NFATC2: variants seen among roughly 807,000 people sequenced by gnomAD.
NFATC2 encodes nuclear factor of activated T cells 2, also known as nuclear factor of activated T-cells, cytoplasmic 2.
NFATC2 carries 22 observed loss-of-function variants against 87.3 expected under a neutral mutation model. That is an observed-to-expected ratio of 0.25 (90% CI 0.18 to 0.36). The LOEUF (loss-of-function observed/expected upper bound fraction) is 0.36, where lower values mean the gene tolerates loss of function less well. NFATC2 is among the 10% of genes least tolerant of loss of function. The pLI, the probability that NFATC2 is intolerant of heterozygous loss-of-function variation, is 1.00. For missense variants in NFATC2, 1,149 were observed against 1,259.1 expected, an observed-to-expected ratio of 0.91 and a Z score of 1.32; for synonymous variants, 565 against 542.2, an observed-to-expected ratio of 1.04 and a Z score of -0.58.
intron 9 of NFATC2, among the ~76,000 whole-genome samples, chr20:51,406,767 G>T (rs1338158229): frequency 1.3e-5 from 2 of 152,194 alleles, no homozygotes; most frequent in Admixed American, 6.5e-5. Flanking sequence ...TCTAGAGAGG[G>T]TGTGACATCT....
intron 1 of NFATC2, among the ~76,000 whole-genome samples, chr20:51,541,416 A>G (rs906509088): frequency 2.0e-5 from 3 of 152,176 alleles, no homozygotes; most frequent in African/African-American, 7.2e-5. Flanking sequence ...AGAAATACAC[A>G]GTGAGGTTGG....
rs372957875 is a variant in NFATC2 at position 51,432,218 on chromosome 20, C to T, written c.2571G>A (p.Pro857=). The change falls in exon 9 of 11, where the codon CCG becomes CCA. Residue 857 remains proline, a synonymous_variant. Transcript: ENST00000371564. This position sits in a 1 kb window ranked among gnomAD's most constrained non-coding sequence, Gnocchi z 4.6. The part of the protein sequence containing the change: ...PPVSQGQRLS[P]GSYPTVIQQQ... ...GCTGAATGACTGTGGGGTAGGAACC[C>T]GGGCTCAGCCTCTGACCTTGACTGA... 4.3e-5 allele frequency: 69 copies of T among 1,613,582 alleles called. No homozygotes were observed. The highest frequency in any genetic ancestry group is 5.6e-5 in the Non-Finnish European group (66 of 1,179,748).
chr20:51,398,568 CT>C, intron 10 of NFATC2, 74 bp downstream of exon 10: 1 of 899,944 alleles, frequency 1.1e-6, no homozygotes, highest in South Asian at 1.7e-5. Context: ...TTATACTTTA[CT>C]TAAAAAAAAA....
intron 9 of NFATC2, among the ~76,000 whole-genome samples, chr20:51,431,813 T>A (rs1600716930): frequency 6.6e-6 from 1 of 152,082 alleles, no homozygotes; most frequent in East Asian, 1.9e-4. Flanking sequence ...CATTTGCTTT[T>A]TCTATGGGGG....
intron 9 of NFATC2, among the ~76,000 whole-genome samples, chr20:51,399,832 G>C (rs772228417): frequency 1.3e-5 from 2 of 152,126 alleles, no homozygotes; most frequent in Non-Finnish European, 2.9e-5. Context: ...CAGTACTGTC[G>C]GATAATTCAC....
At chr20:51,444,783 C>T (rs1444442130) in intron 6 of NFATC2, among the ~76,000 whole-genome samples, 1 of 152,208 alleles carries the variant, frequency 6.6e-6, no homozygotes, top group Non-Finnish European at 1.5e-5. Context: ...AAAACGTGTC[C>T]TCCCTGGAAG....
Position 51,524,165 on chromosome 20 carries a change from G to A in NFATC2, c.131-55C>T, listed in dbSNP as rs545489089. ...TTTAAGCCTCAAAAACAGAACTCCC[G>A]GTGCAGAGCAATCACAGGCTGGATT... On this transcript the variant is annotated intron_variant, in intron 1 of 10. Coordinates refer to ENST00000371564, the MANE Select transcript of NFATC2 (RefSeq NM_012340.5). This position sits in a 1 kb window ranked among gnomAD's most constrained non-coding sequence, Gnocchi z 4.0. 46 of 1,371,726 alleles carry A rather than the reference G, an allele frequency of 3.4e-5. No homozygotes were observed. In the East Asian group the frequency reaches 1.1e-3, roughly 34 times the overall value. 85.0% of individuals were successfully genotyped at this position (1,371,726 alleles called of 1,614,324 possible). A position where few individuals can be genotyped will look rare whatever the true frequency, so the allele number is the denominator to read the frequency against.
chr20:51,411,215 G>C (rs1482648520), intron 9 of NFATC2, among the ~76,000 whole-genome samples: 1 of 152,144 alleles, frequency 6.6e-6, no homozygotes, highest in African/African-American at 2.4e-5. Context: ...GCACGTGGCC[G>C]AGCAATGATT....
intron 10 of NFATC2, among the ~76,000 whole-genome samples, chr20:51,397,090 A>G (rs1186136058): frequency 2.6e-5 from 4 of 151,546 alleles, no homozygotes; most frequent in South Asian, 2.1e-4. Flanking sequence ...ACGGGGTTTC[A>G]CCATGTTGGC....
At chr20:51,560,210 T>C (rs1428788729) in intron 1 of NFATC2, among the ~76,000 whole-genome samples, 1 of 152,162 alleles carries the variant, frequency 6.6e-6, no homozygotes, top group Non-Finnish European at 1.5e-5. Flanking sequence ...ATAACAACCC[T>C]GGAAGAGAGA....
At chr20:51,472,068 C>T (rs1297330558) in intron 5 of NFATC2, among the ~76,000 whole-genome samples, 2 of 152,178 alleles carry the variant, frequency 1.3e-5, no homozygotes, top group Admixed American at 6.5e-5. Flanking sequence ...GCCTGGCCAA[C>T]ATGGCGAAAC....
chr20:51,453,762 T>TA (rs900430456), intron 6 of NFATC2, among the ~76,000 whole-genome samples: 2 of 152,098 alleles, frequency 1.3e-5, no homozygotes, highest in Non-Finnish European at 2.9e-5. Context: ...CTTTTTAATT[T>TA]AAAAAAATGG....
intron 1 of NFATC2, among the ~76,000 whole-genome samples, chr20:51,539,328 A>C (rs992745939): frequency 3.9e-5 from 6 of 152,206 alleles, no homozygotes; most frequent in Non-Finnish European, 7.3e-5. Flanking sequence ...AAAACCTAAT[A>C]AAAAGATTAA....
At chr20:51,540,022 G>A (rs1481865765) in intron 1 of NFATC2, among the ~76,000 whole-genome samples, 1 of 152,026 alleles carries the variant, frequency 6.6e-6, no homozygotes, top group Non-Finnish European at 1.5e-5. Context: ...ACTTTTTGTT[G>A]TTGTTTTTTG....
intron 10 of NFATC2, among the ~76,000 whole-genome samples, chr20:51,398,142 C>CG (rs11482897): frequency 1.1e-5 from 1 of 94,024 alleles, no homozygotes; most frequent in South Asian, 3.3e-4. Context: ...AACAAGGAAG[C>CG]CCCCCGGGAG....
At chr20:51,489,189 A>G (rs2075839942) in intron 3 of NFATC2, among the ~76,000 whole-genome samples, 1 of 152,174 alleles carries the variant, frequency 6.6e-6, no homozygotes, top group Admixed American at 6.5e-5. Flanking sequence ...GACTGTCTCA[A>G]AAAAAAGAAG....
chr20:51,542,454 G>A lies in NFATC2; in HGVS notation c.46C>T (p.Pro16Ser). 6.3e-7 allele frequency: 1 copy of A among 1,575,558 alleles called. No homozygotes were observed. Reference protein sequence around the residue: ...RQPQPDGGDAPGHEPGGSPQD... With the variant: ...RQPQPDGGDASGHEPGGSPQD... ...GGGCTGCCCCCAGGCTCGTGGCCTGGGGCGTCCCCGCCGTCGGGTTGGGGC... is the reference window on the plus strand; with the variant it reads ...GGGCTGCCCCCAGGCTCGTGGCCTGAGGCGTCCCCGCCGTCGGGTTGGGGC... Residue 16 changes from proline (P) to serine (S), a missense_variant, in exon 1 of 11, where the codon CCA becomes TCA. Pro to Ser is a moderately conservative substitution (Grantham distance 74). Transcript: ENST00000371564.
At chr20:51,418,733 T>G (rs2015907) in intron 9 of NFATC2, among the ~76,000 whole-genome samples, 139,533 of 150,010 alleles carry the variant, frequency 0.93, 64,986 homozygotes, top group African/African-American at 0.97. Context: ...TACGATTGCG[T>G]CTCACTGCAA....
chr20:51,423,940 T>C (rs1005072400), intron 9 of NFATC2, among the ~76,000 whole-genome samples: 1 of 152,070 alleles, frequency 6.6e-6, no homozygotes, highest in African/African-American at 2.4e-5. Flanking sequence ...GGGTCTGGAG[T>C]CGGCTGGAAC....
Sources: gnomAD v4.1 joint callset for allele counts (sites outside exome capture counted in the v4.1 genomes callset) on GRCh38, gnomAD v4.1.1 for gene constraint, Gnocchi (gnomAD v3.1) non-coding constraint, MANE v1.5 for transcripts, NCBI Gene and HGNC (gene_info 2026-07-23, HGNC 2026-07-21) for gene names.